ARHGAP32: variants seen among roughly 807,000 people sequenced by gnomAD.
ARHGAP32 encodes the protein Rho GTPase activating protein 32.
A neutral mutation model predicts 186.5 loss-of-function variants in ARHGAP32; 51 were observed. That is an observed-to-expected ratio of 0.27 (90% confidence interval 0.22 to 0.35). The LOEUF is 0.35. Ranked by LOEUF, ARHGAP32 falls within the 10% of genes least tolerant of loss-of-function variation. The pLI is 1.00. For synonymous variants in ARHGAP32, 950 were observed against 964.3 expected (o/e 0.99, Z 0.27); for missense variants, 2,186 against 2,623.5 (o/e 0.83, Z 3.64).
chr11:129,231,259 T>C (rs1944854962), intron 1 of ARHGAP32, among the ~76,000 whole-genome samples: 1 of 152,210 alleles, frequency 6.6e-6, no homozygotes, highest in Non-Finnish European at 1.5e-5. Context: ...TCCTGCCCTA[T>C]TTTTGACAGC....
chr11:129,071,533 G>T (rs576576862), intron 6 of ARHGAP32, among the ~76,000 whole-genome samples: 1 of 152,110 alleles, frequency 6.6e-6, no homozygotes, highest in South Asian at 2.1e-4. Context: ...CGTCAAAATG[G>T]CTATTATCAA....
At chr11:129,259,632 A>G (rs2135707193) in intron 1 of ARHGAP32, among the ~76,000 whole-genome samples, 1 of 152,248 alleles carries the variant, frequency 6.6e-6, no homozygotes, top group South Asian at 2.1e-4. Context: ...TTTTCCAACC[A>G]TAGAACTGGA....
chr11:129,054,952 A>C (rs891841882), intron 10 of ARHGAP32, among the ~76,000 whole-genome samples: 2 of 152,240 alleles, frequency 1.3e-5, no homozygotes, highest in East Asian at 3.8e-4. Flanking sequence ...GGTCTGGGCT[A>C]GTGCAATACT....
chr11:129,127,430 C>T (rs981164302), intron 2 of ARHGAP32, among the ~76,000 whole-genome samples: 1 of 152,126 alleles, frequency 6.6e-6, no homozygotes, highest in Non-Finnish European at 1.5e-5. Context: ...TATGTTCTGT[C>T]CAGCAATATT....
At position 129,213,875 on chromosome 11, in the gene ARHGAP32, G is replaced by T. The variant is rs114721920; in HGVS notation, c.-4-49448C>A. 4.4e-3 allele frequency among the ~76,000 whole-genome samples: 669 copies of T among 152,092 alleles called. 10 individuals are homozygous for T. Among genetic ancestry groups the T allele is most frequent in the African/African-American group, 0.015 (615 of 41,522 alleles). On this transcript the variant is annotated intron_variant, in intron 1 of 6. Coordinates refer to the ARHGAP32 transcript ENST00000525234. ...AGGAGAATAAATAGTTTTGTAGGGC[G>T]AAAAGTCAGTGTTTTAAATAATTTT...
intron 2 of ARHGAP32, among the ~76,000 whole-genome samples, chr11:129,150,761 C>A (rs1387923076): frequency 4.6e-5 from 7 of 152,036 alleles, no homozygotes; most frequent in African/African-American, 1.7e-4. Context: ...CAAAATAGAA[C>A]CTCCTTAAAG....
At chr11:128,973,584 G>T in intron 21 of ARHGAP32, 152 bp from the exon 22 acceptor site, 1 of 792,554 alleles carries the variant, frequency 1.3e-6, no homozygotes, top group South Asian at 1.8e-5. Flanking sequence ...ACATGCAAAT[G>T]CTGTTGAAAA....
At chr11:129,065,727 G>A (rs1414594323) in intron 7 of ARHGAP32, among the ~76,000 whole-genome samples, 1 of 152,026 alleles carries the variant, frequency 6.6e-6, no homozygotes, top group African/African-American at 2.4e-5. Flanking sequence ...AGATCTGGTA[G>A]GGGGAGTGGC....
intron 22 of ARHGAP32, chr11:128,972,233 T>C: frequency 2.8e-6 from 1 of 355,800 alleles, no homozygotes; most frequent in Non-Finnish European, 5.0e-6. Context: ...CAGGTACAGT[T>C]AAGCTATAGT....
At chr11:129,242,821 G>C (rs1393521756) in intron 1 of ARHGAP32, among the ~76,000 whole-genome samples, 1 of 151,192 alleles carries the variant, frequency 6.6e-6, no homozygotes, top group East Asian at 1.9e-4. Flanking sequence ...ACACACCTCT[G>C]TACCAAAAGA....
At chr11:129,265,801 T>C (rs923751846) in intron 1 of ARHGAP32, among the ~76,000 whole-genome samples, 8 of 152,206 alleles carry the variant, frequency 5.3e-5, no homozygotes, top group Non-Finnish European at 1.2e-4. Flanking sequence ...TCCTGTCTTA[T>C]GTAATCTAAC....
intron 2 of ARHGAP32, chr11:129,126,038 T>G: frequency 2.3e-6 from 1 of 440,296 alleles, no homozygotes; most frequent in Non-Finnish European, 4.5e-6. Context: ...ACAAAGTTAC[T>G]TCATAATCCT....
chr11:128,970,047 A>G lies in ARHGAP32; in HGVS notation c.5166T>C (p.Ala1722=), dbSNP rs1945317743. Residue 1722 remains alanine, a synonymous_variant, in exon 23 of 23, where the codon GCT becomes GCC. Coordinates refer to ENST00000682385, the MANE Select transcript of ARHGAP32 (RefSeq NM_001378024.1). This position sits in a 1 kb window ranked among gnomAD's most constrained non-coding sequence, Gnocchi z 5.8. ...GKSLYSYAGL[A]PRPRANVTGY... is the part of the protein sequence containing the mutation. ...CAGTCACGTTGGCCCGGGGACGTGG[A>G]GCCAAACCAGCATAACTGTACAAGC... 8 of 1,614,184 alleles carry G rather than the reference A, an allele frequency of 5.0e-6. No homozygotes were observed. The East Asian group carries it at 1.6e-4, about 31-fold the overall frequency.
At chr11:129,094,390 CA>C (rs1433305092) in intron 5 of ARHGAP32, among the ~76,000 whole-genome samples, 2 of 150,540 alleles carry the variant, frequency 1.3e-5, no homozygotes, top group Non-Finnish European at 3.0e-5. Context: ...TTTAAAATTT[CA>C]AAAAAAAATT....
At chr11:129,208,603 T>G (rs914717889) in intron 1 of ARHGAP32, among the ~76,000 whole-genome samples, 1 of 151,632 alleles carries the variant, frequency 6.6e-6, no homozygotes, top group African/African-American at 2.4e-5. Flanking sequence ...AATCATGCAT[T>G]GCTTGTTTGG....
At chr11:129,229,682 A>G (rs1015883208) in intron 1 of ARHGAP32, among the ~76,000 whole-genome samples, 1 of 152,212 alleles carries the variant, frequency 6.6e-6, no homozygotes, top group Non-Finnish European at 1.5e-5. Flanking sequence ...AAACCACGAT[A>G]TATCTGAATC....
chr11:129,043,438 G>C (rs1939684544), intron 10 of ARHGAP32, among the ~76,000 whole-genome samples: 1 of 132,088 alleles, frequency 7.6e-6, no homozygotes, highest in African/African-American at 2.9e-5. Flanking sequence ...CCAGTCTGAA[G>C]TGCAACGACG....
At position 128,970,422 on chromosome 11, in the gene ARHGAP32, C is replaced by A. The variant is rs762042350; in HGVS notation, c.4791G>T (p.Val1597=). ...AAGACGGCGGAGCATGGAGAGACTG[C>A]ACTCTCCGGATGGTAGGGTACGGTG... ...DIPPYPTIRR[V]QSLHAPPSSM... is the part of the protein sequence containing the mutation. Residue 1597 remains valine, a synonymous_variant, in exon 23 of 23, where the codon GTG becomes GTT. Transcript: ENST00000682385. The surrounding 1 kb of genome is among the most constrained non-coding windows in gnomAD (Gnocchi z 5.8). 3 of 1,614,010 alleles carry A rather than the reference C, an allele frequency of 1.9e-6. No individual in the cohort carries two copies. The East Asian group carries it at 6.7e-5, about 36-fold the overall frequency.
rs115889168 is a variant in ARHGAP32 at position 129,111,722 on chromosome 11, C to T, written c.444+11724G>A. Among the ~76,000 whole-genome samples the T allele has an allele frequency of 1.3e-3, 205 of 152,128 alleles. 1 individual carries two copies. The highest frequency in any genetic ancestry group is 4.4e-3 in the African/African-American group (184 of 41,534). ...ACAGTCTCATGACCTTTTGTATTTC[C>T]GTAGCATCCATTGTAATGTCTATTT... On this transcript the variant is annotated intron_variant, in intron 5 of 22. Transcript: ENST00000682385.
Sources: allele counts gnomAD v4.1 joint callset (sites outside exome capture counted in the v4.1 genomes callset), GRCh38; gene constraint gnomAD v4.1.1; non-coding constraint Gnocchi (gnomAD v3.1); transcripts MANE v1.5; gene names NCBI Gene and HGNC (gene_info 2026-07-23, HGNC 2026-07-21).